NIM1K: variants seen among roughly 807,000 people sequenced by gnomAD.
NIM1K encodes the protein serine/threonine-protein kinase NIM1.
A neutral mutation model predicts 37.1 loss-of-function variants in NIM1K; 35 were observed. That is an observed-to-expected ratio of 0.94 (90% CI 0.72 to 1.25). NIM1K has a LOEUF of 1.25. NIM1K is among the 50% of genes most tolerant of loss of function. The pLI is 0.00. For missense variants in NIM1K, 564 were observed against 548.0 expected (o/e 1.03, Z -0.29); for synonymous variants, 234 against 206.6 (o/e 1.13, Z -1.14).
intron 2 of NIM1K, among the ~76,000 whole-genome samples, chr5:43,266,020 C>T (rs1270330882): frequency 6.6e-6 from 1 of 152,214 alleles, no homozygotes; most frequent in Non-Finnish European, 1.5e-5. Flanking sequence ...CTGTGTGAGG[C>T]ATCAGTCGGC....
chr5:43,276,285 C>A (rs1329835712), intron 2 of NIM1K, among the ~76,000 whole-genome samples: 1 of 152,198 alleles, frequency 6.6e-6, no homozygotes, highest in East Asian at 1.9e-4. Flanking sequence ...TCTGTAGAGG[C>A]CTCAGGAAGC....
intron 1 of NIM1K, among the ~76,000 whole-genome samples, chr5:43,203,900 C>T (rs1164347917): frequency 1.3e-5 from 2 of 151,566 alleles, no homozygotes; most frequent in Non-Finnish European, 2.9e-5. Context: ...GTGGCAGGCA[C>T]CTATAATCCC....
chr5:43,210,452 A>C (rs1752187020), intron 1 of NIM1K, among the ~76,000 whole-genome samples: 1 of 152,264 alleles, frequency 6.6e-6, no homozygotes, highest in South Asian at 2.1e-4. Context: ...CCCTGCCCTC[A>C]GGTGAAGAGA....
At chr5:43,256,886 T>C (rs1216981479) in intron 2 of NIM1K, among the ~76,000 whole-genome samples, 1 of 152,218 alleles carries the variant, frequency 6.6e-6, no homozygotes, top group Non-Finnish European at 1.5e-5. Flanking sequence ...CACTTCCCCA[T>C]TCTTCTACTA....
chr5:43,245,838 G>A lies in NIM1K; in HGVS notation c.63G>A (p.Arg21=). The change falls in exon 2 of 4, where the codon CGG becomes CGA. Residue 21 remains arginine (R), a synonymous_variant. Coordinates refer to ENST00000326035, the MANE Select transcript of NIM1K (RefSeq NM_153361.4). ...LVNPHYARWD[R]RDSVESGCQT... is the part of the protein sequence containing the mutation. Reference sequence around the variant, plus strand: ...ACCCCCACTATGCCCGGTGGGATCGGCGCGACAGTGTAGAAAGTGGCTGTC... The same window carrying A: ...ACCCCCACTATGCCCGGTGGGATCGACGCGACAGTGTAGAAAGTGGCTGTC... 1 of 1,614,004 alleles carries A rather than the reference G, an allele frequency of 6.2e-7. No individual in the cohort carries two copies. Among genetic ancestry groups the A allele is most frequent in the Non-Finnish European group, 8.5e-7 (1 of 1,179,950 alleles).
intron 1 of NIM1K, among the ~76,000 whole-genome samples, chr5:43,214,166 G>A (rs2112221747): frequency 6.6e-6 from 1 of 152,178 alleles, no homozygotes; most frequent in Non-Finnish European, 1.5e-5. Flanking sequence ...CCAGTTGACT[G>A]TATCAGGGAG....
In NIM1K at chr5:43,277,156, C is replaced by A. The variant is rs1561096784; in HGVS notation, c.392C>A (p.Pro131His). ...TCCAGCATGGAAAAGCTGCACCATCCCAACATCATCCGCCTTTACGAAGTG... is the reference window on the plus strand; with the variant it reads ...TCCAGCATGGAAAAGCTGCACCATCACAACATCATCCGCCTTTACGAAGTG... ...EISSMEKLHH[P>H]NIIRLYEVVE... Residue 131 changes from proline (P) to histidine (H), a missense_variant, in exon 3 of 4, where the codon CCC becomes CAC. Pro to His is a moderately conservative substitution (Grantham distance 77). Transcript: ENST00000326035. 5 of 1,614,106 alleles carry A rather than the reference C, an allele frequency of 3.1e-6. No homozygotes were observed. Among genetic ancestry groups the A allele is most frequent in the Middle Eastern group, 1.6e-4 (1 of 6,062 alleles).
At chr5:43,208,858 A>G (rs1752158175) in intron 1 of NIM1K, among the ~76,000 whole-genome samples, 1 of 152,204 alleles carries the variant, frequency 6.6e-6, no homozygotes, top group Non-Finnish European at 1.5e-5. Flanking sequence ...TTAGTATTCT[A>G]GAGGTGAGAT....
intron 1 of NIM1K, among the ~76,000 whole-genome samples, chr5:43,223,775 G>A (rs1192834100): frequency 6.6e-6 from 1 of 152,168 alleles, no homozygotes; most frequent in African/African-American, 2.4e-5. Context: ...GGGCAGGAAA[G>A]CAGCTGCTTT....
intron 1 of NIM1K, chr5:43,207,212 T>C: frequency 1.3e-6 from 1 of 750,004 alleles, no homozygotes; most frequent in South Asian, 1.4e-5. Context: ...AGAGAGTGAT[T>C]TGGCATATAC....
chr5:43,213,872 G>A (rs1752257590), intron 1 of NIM1K, among the ~76,000 whole-genome samples: 1 of 151,906 alleles, frequency 6.6e-6, no homozygotes, highest in African/African-American at 2.4e-5. Context: ...CAAGTGATCT[G>A]CCTAACTCAG....
chr5:43,233,271 C>T, intron 1 of NIM1K: 2 of 510,814 alleles, frequency 3.9e-6, no homozygotes, highest in Non-Finnish European at 6.6e-6. Flanking sequence ...AGAGAACCTG[C>T]CTATTATTTT....
At position 43,203,983 on chromosome 5, in the gene NIM1K, G is replaced by A. The variant is rs920161301; in HGVS notation, c.-695+11572G>A. 5.4e-5 allele frequency among the ~76,000 whole-genome samples: 8 copies of A among 148,298 alleles called. No individual in the cohort carries two copies. In the South Asian group the frequency reaches 1.7e-3, roughly 32 times the overall value. ...AGAAGTTGCAATGAGCTGAGATCTC[G>A]ACACTGCACTCCAGCCTGGGCAAGA... On this transcript the variant is annotated intron_variant, in intron 1 of 3. Coordinates refer to ENST00000326035, the MANE Select transcript of NIM1K (RefSeq NM_153361.4).
At chr5:43,193,683 T>C (rs1751866597) in intron 1 of NIM1K, 1 of 152,110 alleles carries the variant, frequency 6.6e-6, no homozygotes, top group Non-Finnish European at 1.5e-5. Flanking sequence ...GGTAATAAGA[T>C]TTTTTTTAAT....
intron 2 of NIM1K, among the ~76,000 whole-genome samples, chr5:43,252,172 C>T (rs1015753101): frequency 5.3e-5 from 8 of 152,120 alleles, no homozygotes; most frequent in East Asian, 1.9e-4. Context: ...ACTTACTTCT[C>T]GGGTTCCAAA....
intron 2 of NIM1K, among the ~76,000 whole-genome samples, chr5:43,248,538 C>T (rs71627592): frequency 0.04 from 6,073 of 152,092 alleles, 165 homozygotes; most frequent in Middle Eastern, 0.1. Flanking sequence ...GAGGAGGGAG[C>T]TGGTGATGCC....
chr5:43,237,538 G>T (rs1244262720), intron 1 of NIM1K, among the ~76,000 whole-genome samples: 2 of 152,062 alleles, frequency 1.3e-5, no homozygotes, highest in African/African-American at 4.8e-5. Flanking sequence ...TTTTTAATTA[G>T]GTATGTGATC....
rs575235100 is a variant in NIM1K, at chr5:43,223,842, A to C, written c.-694-21240A>C. On this transcript the variant is annotated intron_variant, in intron 1 of 3. Transcript: ENST00000326035. ...CTGCCTGAGATTTCAGTGCTTTGGC[A>C]GATCAATGGGCTCAGGAATCAAAGG... Among the ~76,000 whole-genome samples, 9 of 152,346 alleles carry C rather than the reference A, an allele frequency of 5.9e-5. No individual in the cohort carries two copies. In the South Asian group the frequency reaches 1.9e-3, roughly 32 times the overall value.
At chr5:43,270,712 G>A (rs1309078507) in intron 2 of NIM1K, among the ~76,000 whole-genome samples, 1 of 152,224 alleles carries the variant, frequency 6.6e-6, no homozygotes, top group Non-Finnish European at 1.5e-5. Flanking sequence ...CAGCATGGGT[G>A]CAGGCAGAGA....
Sources: gnomAD v4.1 joint callset for allele counts (sites outside exome capture counted in the v4.1 genomes callset) on GRCh38, gnomAD v4.1.1 for gene constraint, MANE v1.5 for transcripts, NCBI Gene and HGNC (gene_info 2026-07-23, HGNC 2026-07-21) for gene names.